Variants in PDE4D observed in about 807,000 individuals in gnomAD.
PDE4D encodes the protein phosphodiesterase 4D.
PDE4D carries 24 observed loss-of-function variants against 87.4 expected under a neutral mutation model. The observed-to-expected ratio is 0.27, with a 90% confidence interval of 0.20 to 0.39. The LOEUF (loss-of-function observed/expected upper bound fraction) is 0.39. Among genes scored for constraint, PDE4D ranks in the 10% least tolerant of loss-of-function variants. PDE4D has a pLI of 1.00. For synonymous variants in PDE4D, 384 were observed against 383.2 expected, an observed-to-expected ratio of 1.00 and a Z score of -0.02; for missense variants, 714 against 1,041.0, an observed-to-expected ratio of 0.69 and a Z score of 4.32.
intron 1 of PDE4D, among the ~76,000 whole-genome samples, chr5:59,573,472 G>C (rs1417179460): frequency 6.6e-6 from 1 of 152,030 alleles, no homozygotes; most frequent in Non-Finnish European, 1.5e-5. Flanking sequence ...TCAGTACTGG[G>C]GAGGGATCTG....
intron 3 of PDE4D, among the ~76,000 whole-genome samples, chr5:59,983,004 G>T (rs553341049): frequency 6.6e-6 from 1 of 152,106 alleles, no homozygotes; most frequent in East Asian, 1.9e-4. Context: ...GTAGGTGCTC[G>T]CATTATTCCT....
intron 1 of PDE4D, among the ~76,000 whole-genome samples, chr5:60,222,800 G>T (rs568830827): frequency 1.3e-5 from 2 of 152,042 alleles, no homozygotes; most frequent in South Asian, 4.1e-4. Flanking sequence ...TCCTTTCACA[G>T]GACTGTTAAT....
At chr5:60,489,741 G>A (rs1749423415), upstream of PDE4D, 1 of 152,162 alleles carries the variant, frequency 6.6e-6, no homozygotes, top group African/African-American at 2.4e-5. Flanking sequence ...CCTTTACTCA[G>A]AGATAACATA....
chr5:60,457,595 T>C (rs1354962684), intron 1 of PDE4D, among the ~76,000 whole-genome samples: 1 of 152,178 alleles, frequency 6.6e-6, no homozygotes, highest in African/African-American at 2.4e-5. Context: ...AGTAATTTCA[T>C]TTCAGTTTTT....
intron 3 of PDE4D, among the ~76,000 whole-genome samples, chr5:59,971,149 T>C (rs367680046): frequency 2.4e-4 from 33 of 139,160 alleles, no homozygotes; most frequent in Admixed American, 1.5e-3. Context: ...TAGGTGGGAA[T>C]TGAACAATGA....
chr5:60,420,572 G>A (rs1191789124), intron 1 of PDE4D, among the ~76,000 whole-genome samples: 1 of 152,152 alleles, frequency 6.6e-6, no homozygotes, highest in African/African-American at 2.4e-5. Context: ...AAAGAAATAA[G>A]ATCTCCATTC....
chr5:59,176,270 C>T (rs776685195), intron 5 of PDE4D, among the ~76,000 whole-genome samples: 2 of 151,966 alleles, frequency 1.3e-5, no homozygotes, highest in Admixed American at 6.6e-5. Flanking sequence ...ATCAAACTCT[C>T]GGCCAGGTGT....
chr5:59,183,020 A>T (rs1723086362), intron 4 of PDE4D, among the ~76,000 whole-genome samples: 1 of 152,194 alleles, frequency 6.6e-6, no homozygotes, highest in Non-Finnish European at 1.5e-5. Flanking sequence ...GAGCTTGGAA[A>T]TGTTCTAGTG....
chr5:59,596,669 AT>A (rs1200304544), intron 1 of PDE4D, among the ~76,000 whole-genome samples: 3 of 152,056 alleles, frequency 2.0e-5, no homozygotes, highest in Non-Finnish European at 2.9e-5. Context: ...ATGATTACTT[AT>A]GTCTGCCTAT....
chr5:59,890,248 C>T (rs796553552), intron 1 of PDE4D, among the ~76,000 whole-genome samples: 21 of 125,118 alleles, frequency 1.7e-4, no homozygotes, highest in African/African-American at 4.2e-4. Flanking sequence ...GATGGTGGTG[C>T]GCACGTACAC....
At chr5:59,726,125 G>GT (rs1313428635) in intron 1 of PDE4D, among the ~76,000 whole-genome samples, 1 of 151,876 alleles carries the variant, frequency 6.6e-6, no homozygotes, top group African/African-American at 2.4e-5. Flanking sequence ...TTTTTTTTAA[G>GT]TTCAATGCTA....
At chr5:59,283,759 G>T (rs1766301888) in intron 1 of PDE4D, among the ~76,000 whole-genome samples, 1 of 152,102 alleles carries the variant, frequency 6.6e-6, no homozygotes, top group Non-Finnish European at 1.5e-5. Context: ...AAACTCAGAA[G>T]TTCAGTCTCC....
intron 2 of PDE4D, among the ~76,000 whole-genome samples, chr5:60,087,723 T>A (rs1174321791): frequency 6.6e-6 from 1 of 151,624 alleles, no homozygotes; most frequent in Non-Finnish European, 1.5e-5. Flanking sequence ...AAAAAGAATT[T>A]AAAAAAAGAG....
intron 1 of PDE4D, among the ~76,000 whole-genome samples, chr5:60,381,434 C>T (rs1419088280): frequency 6.6e-6 from 1 of 152,188 alleles, no homozygotes. Flanking sequence ...AGTCTGTATT[C>T]TTTCACTAAG....
intron 1 of PDE4D, among the ~76,000 whole-genome samples, chr5:59,821,105 C>A (rs1343800335): frequency 6.6e-6 from 1 of 152,020 alleles, no homozygotes; most frequent in Non-Finnish European, 1.5e-5. Context: ...TGGTGGCGGG[C>A]ACCTGTAGTC....
chr5:60,197,173 G>A (rs1741378850), intron 1 of PDE4D, among the ~76,000 whole-genome samples: 1 of 151,334 alleles, frequency 6.6e-6, no homozygotes, highest in South Asian at 2.1e-4. Context: ...GTGAGAGTGA[G>A]GAATAGTGAG....
chr5:58,979,350 T>C (rs558119850), intron 11 of PDE4D, among the ~76,000 whole-genome samples: 7 of 152,312 alleles, frequency 4.6e-5, no homozygotes, highest in African/African-American at 1.7e-4. Flanking sequence ...CAGGCCTCCA[T>C]AGCCTCTTCC....
At chr5:59,937,542 T>C (rs963984344) in intron 3 of PDE4D, among the ~76,000 whole-genome samples, 1 of 152,210 alleles carries the variant, frequency 6.6e-6, no homozygotes, top group Admixed American at 6.5e-5. Context: ...AGTTTGCAGA[T>C]AGCTACCTTC....
chr5:60,518,254 T>C (rs1732683836), intron 1 of PDE4D, among the ~76,000 whole-genome samples: 1 of 152,206 alleles, frequency 6.6e-6, no homozygotes, highest in South Asian at 2.1e-4. Context: ...TCTGGGCCAG[T>C]AGCGTGAGCC....
Sources: gnomAD v4.1 joint callset for allele counts (sites outside exome capture counted in the v4.1 genomes callset) on GRCh38, gnomAD v4.1.1 for gene constraint, MANE v1.5 for transcripts, NCBI Gene and HGNC (gene_info 2026-07-23, HGNC 2026-07-21) for gene names.